SNAI3: variants seen among roughly 807,000 people sequenced by gnomAD.
SNAI3 encodes the protein snail family transcriptional repressor 3, also known as zinc finger protein SNAI3.
A neutral mutation model predicts 16.4 loss-of-function variants in SNAI3; 21 were observed. The observed-to-expected ratio is 1.28, with a 90% CI of 0.91 to 1.85. The LOEUF (loss-of-function observed/expected upper bound fraction) is 1.85, where lower values mean the gene tolerates loss of function less well. Ranked by LOEUF, SNAI3 falls within the 40% of genes most tolerant of loss-of-function variation. The pLI is 0.00. For synonymous variants in SNAI3, 202 were observed against 166.6 expected, an observed-to-expected ratio of 1.21 and a Z score of -1.64; for missense variants, 457 against 372.8, an observed-to-expected ratio of 1.23 and a Z score of -1.86.
intron 2 of SNAI3, among the ~76,000 whole-genome samples, chr16:88,679,440 G>C (rs912270768): frequency 9.9e-5 from 15 of 152,198 alleles, no homozygotes; most frequent in Admixed American, 2.0e-4. Context: ...CATGACTTAG[G>C]GGGTAGGGAA....
At chr16:88,680,674 C>T (rs1003177963) in intron 2 of SNAI3, among the ~76,000 whole-genome samples, 16 of 152,280 alleles carry the variant, frequency 1.1e-4, no homozygotes, top group African/African-American at 3.4e-4. Flanking sequence ...CCACAGCTCA[C>T]TGCAGCCTCA....
rs773875528 is a variant in SNAI3 at position 88,678,397 on chromosome 16, C to T, written c.*51G>A. The T allele has an allele frequency of 4.3e-6, 3 of 693,528 alleles. No homozygotes were observed. The highest frequency in any genetic ancestry group is 7.9e-6 in the Non-Finnish European group (3 of 379,152). 43.0% of individuals were successfully genotyped at this position (693,528 alleles called of 1,614,324 possible). A position where few individuals can be genotyped will look rare whatever the true frequency, so the allele number is the denominator to read the frequency against. On this transcript the variant is annotated 3_prime_UTR_variant, in exon 3 of 3. Transcript: ENST00000332281. ...GCTCCTCTGGGGGCAGGAGGGACGC[C>T]AGCTCTCCCGGTGAGGACCATCCCT...
intron 2 of SNAI3, among the ~76,000 whole-genome samples, chr16:88,679,694 G>A (rs1416842153): frequency 6.8e-6 from 1 of 146,280 alleles, no homozygotes; most frequent in Admixed American, 7.0e-5. Context: ...CCCAGGAGGC[G>A]GGGCTTGCAG....
At chr16:88,679,626 G>A (rs1019446157) in intron 2 of SNAI3, among the ~76,000 whole-genome samples, 1 of 151,750 alleles carries the variant, frequency 6.6e-6, no homozygotes, top group Non-Finnish European at 1.5e-5. Flanking sequence ...GCTGGGCGTG[G>A]TGGCAGGTGT....
At chr16:88,683,703 C>T (rs919364827) in intron 1 of SNAI3, among the ~76,000 whole-genome samples, 12 of 152,008 alleles carry the variant, frequency 7.9e-5, no homozygotes, top group Admixed American at 6.6e-4. Flanking sequence ...ATTACAGACA[C>T]CTGCCACCAT....
chr16:88,682,328 T>C (rs7193436), intron 1 of SNAI3, among the ~76,000 whole-genome samples: 140,910 of 152,322 alleles, frequency 0.93, 65,199 homozygotes, highest in East Asian at 1. Flanking sequence ...TGAATGCAGC[T>C]GAGCCACATG....
At chr16:88,683,619 G>A (rs540735406) in intron 1 of SNAI3, among the ~76,000 whole-genome samples, 3 of 135,110 alleles carry the variant, frequency 2.2e-5, no homozygotes, top group African/African-American at 5.7e-5. Context: ...GTGCAATGGC[G>A]TGATCTCAGC....
chr16:88,678,630 C>A lies in SNAI3; in HGVS notation c.698-1G>T. ...TGCGAGCAGGCATAGGGCTTCTCCC[C>A]TGTGGGAGGAAGGCGGCGGCCAGTG... On this transcript the variant is annotated splice_acceptor_variant, in intron 2 of 2. Transcript: ENST00000332281. LOFTEE classifies it high-confidence loss of function. 1 of 1,369,170 alleles carries A rather than the reference C, an allele frequency of 7.3e-7. No homozygotes were observed. The highest frequency in any genetic ancestry group is 1.0e-6 in the Non-Finnish European group (1 of 963,542). The allele number at this position is 1,369,170 out of a possible 1,614,324, so 84.8% of individuals were successfully genotyped here.
Position 88,681,609 on chromosome 16 carries a change from C to T in SNAI3, c.182G>A (p.Arg61His), listed in dbSNP as rs200088915. Residue 61 changes from arginine to histidine, a missense_variant, in exon 2 of 3, where the codon CGC (arginine) becomes CAC (histidine). Coordinates refer to ENST00000332281, the MANE Select transcript of SNAI3 (RefSeq NM_178310.4). This position sits in a 1 kb window ranked among gnomAD's most constrained non-coding sequence, Gnocchi z 5.4. Reference protein sequence around the residue: ...VPGDLPQPWDRSSAVACISLP... With the variant: ...VPGDLPQPWDHSSAVACISLP... The stretch of plus-strand genomic sequence containing the variant: ...GGAGATGCAGGCGACGGCCGAGGAG[C>T]GGTCCCAGGGCTGGGGAAGGTCACC... 37 of 1,495,424 alleles carry T rather than the reference C, an allele frequency of 2.5e-5. No homozygotes were observed. In the African/African-American group the frequency reaches 3.9e-4, roughly 16 times the overall value. The allele number at this position is 1,495,424 out of a possible 1,614,324, so 92.6% of individuals were successfully genotyped here.
intron 2 of SNAI3, among the ~76,000 whole-genome samples, chr16:88,680,334 G>A (rs1033402739): frequency 2.4e-5 from 3 of 125,762 alleles, no homozygotes; most frequent in African/African-American, 8.7e-5. Flanking sequence ...TCACCAGGCT[G>A]GAGGGCAGTG....
At chr16:88,679,995 C>A (rs1909108774) in intron 2 of SNAI3, among the ~76,000 whole-genome samples, 1 of 151,242 alleles carries the variant, frequency 6.6e-6, no homozygotes, top group African/African-American at 2.4e-5. Flanking sequence ...GCAGGAGAAT[C>A]ACTTGAACCC....
chr16:88,686,241 T>G lies in SNAI3; in HGVS notation c.76+90A>C, dbSNP rs888638682. On this transcript the variant is annotated intron_variant, in intron 1 of 2. Transcript: ENST00000332281. Reference sequence around the variant, plus strand: ...TCTCCTCCCACCTGGGACAGGTGTCTCCCCAGCCCCCGCTCCCAGGGGCCT... The same window carrying G: ...TCTCCTCCCACCTGGGACAGGTGTCGCCCCAGCCCCCGCTCCCAGGGGCCT... 1.1e-5 allele frequency: 16 copies of G among 1,475,558 alleles called. No individual in the cohort carries two copies. In the South Asian group the frequency reaches 1.4e-4, roughly 13 times the overall value. 91.4% of individuals were successfully genotyped at this position (1,475,558 alleles called of 1,614,324 possible).
At chr16:88,680,443 G>A (rs532550417) in intron 2 of SNAI3, among the ~76,000 whole-genome samples, 33 of 151,652 alleles carry the variant, frequency 2.2e-4, no homozygotes, top group African/African-American at 7.7e-4. Context: ...GCACTGCCAC[G>A]TCCGGCTAAT....
At position 88,681,096 on chromosome 16, in the gene SNAI3, G is replaced by C. The variant is rs1281427921; in HGVS notation, c.695C>G (p.Thr232Arg). 6.2e-7 allele frequency: 1 copy of C among 1,608,522 alleles called. No homozygotes were observed. Among genetic ancestry groups the C allele is most frequent in the Non-Finnish European group, 8.5e-7 (1 of 1,176,222 alleles). ...WLLQGHVRTH[T>R]GEKPYACSHC... is the part of the protein sequence containing the mutation. ...TGCAGACCTTCACCCTGTCCTACCT[G>C]TGTGGGTGCGGACATGGCCCTGCAG... Residue 232 changes from threonine (T) to arginine (R), a missense_variant and splice_region_variant, in exon 2 of 3, where the codon ACA becomes AGA. Coordinates refer to ENST00000332281, the MANE Select transcript of SNAI3 (RefSeq NM_178310.4). The surrounding 1 kb of genome is among the most constrained non-coding windows in gnomAD (Gnocchi z 5.4).
Position 88,679,775 on chromosome 16 carries a change from A to G in SNAI3, c.698-1146T>C, listed in dbSNP as rs112983684. Among the ~76,000 whole-genome samples the G allele has an allele frequency of 9.6e-4, 102 of 106,590 alleles. 2 individuals carry two copies. Among genetic ancestry groups the G allele is most frequent in the Middle Eastern group, 6.2e-3 (1 of 162 alleles). 69.9% of individuals were successfully genotyped at this position (106,590 alleles called of 152,430 possible). On this transcript the variant is annotated intron_variant, in intron 2 of 2. Coordinates refer to ENST00000332281, the MANE Select transcript of SNAI3 (RefSeq NM_178310.4). Reference sequence around the variant, plus strand: ...AGACTCTGTCTCAAAAAAAAAAAAAAAAAAAAAGAAAAAGTGTGAACTAGC... The same window carrying G: ...AGACTCTGTCTCAAAAAAAAAAAAAGAAAAAAAGAAAAAGTGTGAACTAGC...
Position 88,681,194 on chromosome 16 carries a change from C to T in SNAI3, c.597G>A (p.Lys199=). ...DKEYTSLGAL[K]MHIRTHTLPC... ...GCAGCGTGTGAGTGCGGATGTGCAT[C>T]TTGAGGGCACCCAGGCTGGTGTACT... The change falls in exon 2 of 3, where the codon AAG becomes AAA. Residue 199 remains lysine (K), a synonymous_variant. Transcript: ENST00000332281. This position sits in a 1 kb window ranked among gnomAD's most constrained non-coding sequence, Gnocchi z 5.4. The T allele has an allele frequency of 6.2e-7, 1 of 1,613,846 alleles. No homozygotes were observed. Among genetic ancestry groups the T allele is most frequent in the East Asian group, 2.2e-5 (1 of 44,866 alleles).
chr16:88,679,095 G>C (rs1909073813), intron 2 of SNAI3: 1 of 985,404 alleles, frequency 1.0e-6, no homozygotes, highest in Non-Finnish European at 1.2e-6. Flanking sequence ...AAAGGGAAGT[G>C]TGACTGGGAA....
intron 1 of SNAI3, among the ~76,000 whole-genome samples, chr16:88,683,272 C>T (rs1468681142): frequency 4.9e-5 from 7 of 143,546 alleles, no homozygotes; most frequent in Admixed American, 7.0e-5. Context: ...TTTTTTTTCC[C>T]CCAGATGGAG....
chr16:88,678,801 C>T, intron 2 of SNAI3, 172 bp from the exon 3 acceptor site: 1 of 985,458 alleles, frequency 1.0e-6, no homozygotes, highest in Non-Finnish European at 1.2e-6. Context: ...ACCTGAAGCC[C>T]CTCCCAGGAG....
Sources: gnomAD v4.1 joint callset for allele counts (sites outside exome capture counted in the v4.1 genomes callset) on GRCh38, gnomAD v4.1.1 for gene constraint, Gnocchi (gnomAD v3.1) non-coding constraint, MANE v1.5 for transcripts, NCBI Gene and HGNC (gene_info 2026-07-23, HGNC 2026-07-21) for gene names.